Variants in HSPB8 observed in about 807,000 individuals in gnomAD.
The protein encoded by HSPB8 is heat shock protein beta-8.
In HSPB8, 9 loss-of-function variants were observed where a neutral mutation model predicts 16.5. The ratio of observed to expected loss-of-function variants is 0.55; its 90% CI spans 0.33 to 0.95. The LOEUF (loss-of-function observed/expected upper bound fraction) is 0.95, where lower values mean the gene tolerates loss of function less well. Ranked by LOEUF, HSPB8 falls within the 40% of genes least tolerant of loss-of-function variation. The pLI, the probability that HSPB8 is intolerant of heterozygous loss-of-function variation, is 0.03. For missense variants in HSPB8, 238 were observed against 251.2 expected (o/e 0.95, Z 0.35); for synonymous variants, 99 against 94.8 (o/e 1.04, Z -0.26).
chr12:119,187,936 A>G (rs1268993460), intron 2 of HSPB8, among the ~76,000 whole-genome samples: 1 of 152,188 alleles, frequency 6.6e-6, no homozygotes, highest in African/African-American at 2.4e-5. Flanking sequence ...AGAGGTTTGG[A>G]GGCTGAGACA....
In HSPB8 at chr12:119,179,107, C is replaced by G; in HGVS notation, c.-206C>G. On this transcript the variant is annotated 5_prime_UTR_variant, in exon 1 of 3. Coordinates refer to ENST00000281938, the MANE Select transcript of HSPB8 (RefSeq NM_014365.3). The stretch of plus-strand genomic sequence containing the variant: ...CCTCTGGGATTCTGCTGGATCTGCC[C>G]CGGGGGTTACCTTTGGGGGCTGGGA... 4 of 647,690 alleles carry G rather than the reference C, an allele frequency of 6.2e-6. No homozygotes were observed. Among genetic ancestry groups the G allele is most frequent in the Non-Finnish European group, 1.1e-5 (4 of 359,600 alleles). The allele number at this position is 647,690 out of a possible 1,614,324, so 40.1% of individuals were successfully genotyped here.
chr12:119,188,164 T>C (rs1032538653), intron 2 of HSPB8, among the ~76,000 whole-genome samples: 6 of 151,862 alleles, frequency 4.0e-5, no homozygotes, highest in African/African-American at 1.5e-4. Flanking sequence ...AGGTGCTTCA[T>C]ACATACCTTC....
At chr12:119,188,248 T>TCTCTC (rs1491485099) in intron 2 of HSPB8, among the ~76,000 whole-genome samples, 1 of 82,644 alleles carries the variant, frequency 1.2e-5, no homozygotes, top group South Asian at 3.5e-4. Context: ...TCTCTCTCTC[T>TCTCTC]TTTTTTTTTT....
At chr12:119,182,090 T>C (rs1327006128) in intron 1 of HSPB8, 1 of 151,978 alleles carries the variant, frequency 6.6e-6, no homozygotes, top group Non-Finnish European at 1.5e-5. Flanking sequence ...TCATAACAGG[T>C]GGGGTCTGGC....
At chr12:119,182,062 T>A (rs534842937) in intron 1 of HSPB8, 59 of 152,286 alleles carry the variant, frequency 3.9e-4, no homozygotes, top group African/African-American at 1.4e-3. Flanking sequence ...TTTTTCACCA[T>A]CCTCTTTTGT....
chr12:119,179,190 G>A lies in HSPB8; in HGVS notation c.-123G>A. 1 of 1,042,942 alleles carries A rather than the reference G, an allele frequency of 9.6e-7. No homozygotes were observed. Among genetic ancestry groups the A allele is most frequent in the South Asian group, 1.3e-5 (1 of 76,224 alleles). The allele number at this position is 1,042,942 out of a possible 1,614,324, so 64.6% of individuals were successfully genotyped here. A position where few individuals can be genotyped will look rare whatever the true frequency, so the allele number is the denominator to read the frequency against. On this transcript the variant is annotated 5_prime_UTR_variant, in exon 1 of 3. Transcript: ENST00000281938. ...GTGGTTGGTTCTGCTTCTCCCTGCAGAAAAGCAGCATTTTCGGAAGCTGAA... is the reference window on the plus strand; with the variant it reads ...GTGGTTGGTTCTGCTTCTCCCTGCAAAAAAGCAGCATTTTCGGAAGCTGAA...
intron 2 of HSPB8, 91 bp from the exon 3 acceptor site, chr12:119,193,608 T>C (rs139484353): frequency 8.6e-5 from 119 of 1,391,370 alleles, no homozygotes; most frequent in Middle Eastern, 5.5e-4. Flanking sequence ...AAGCCTAAGC[T>C]CTTATCAAAA....
chr12:119,191,098 T>C (rs1264731774), intron 2 of HSPB8, among the ~76,000 whole-genome samples: 5 of 152,214 alleles, frequency 3.3e-5, no homozygotes, highest in Non-Finnish European at 4.4e-5. Flanking sequence ...GCAATTTGTA[T>C]GATACTCCAT....
rs763980623 is a variant in HSPB8, at chr12:119,193,751, G to A, written c.484G>A (p.Gly162Ser). Residue 162 changes from glycine (G) to serine (S), a missense_variant, in exon 3 of 3, where the codon GGT (glycine) becomes AGT (serine). Physicochemically the swap from Gly to Ser is moderately conservative, Grantham distance 56. Transcript: ENST00000281938. ...AGTATTTGCCTCACTTTCCCCAGAG[G>A]GTCTGCTGATCATCGAAGCTCCCCA... ...VTVFASLSPE[G>S]LLIIEAPQVP... The A allele has an allele frequency of 6.2e-6, 10 of 1,614,156 alleles. No individual in the cohort carries two copies. Among genetic ancestry groups the A allele is most frequent in the Non-Finnish European group, 8.5e-6 (10 of 1,180,030 alleles).
At chr12:119,186,752 TCCTCAGACTAAC>T in intron 1 of HSPB8, 1 of 455,648 alleles carries the variant, frequency 2.2e-6, no homozygotes, top group South Asian at 2.2e-5. Flanking sequence ...TTCTGCGATT[TCCTCAGACTAAC>T]CCTTAATTAA....
At chr12:119,188,226 ACTCT>A (rs149750099) in intron 2 of HSPB8, among the ~76,000 whole-genome samples, 8,414 of 136,710 alleles carry the variant, frequency 0.062, 800 homozygotes, top group African/African-American at 0.2. Context: ...TGGCCCCTAA[ACTCT>A]CTCTCTCTCT....
At chr12:119,180,862 C>G (rs1954632318) in intron 1 of HSPB8, among the ~76,000 whole-genome samples, 1 of 152,064 alleles carries the variant, frequency 6.6e-6, no homozygotes, top group South Asian at 2.1e-4. Context: ...TCAAGCCAGT[C>G]CTGGTAGAAT....
rs774767632 is a variant in HSPB8 at position 119,193,719 on chromosome 12, C to A, written c.452C>A (p.Pro151His). The A allele has an allele frequency of 1.2e-6, 2 of 1,614,164 alleles. No homozygotes were observed. Among genetic ancestry groups the A allele is most frequent in the Non-Finnish European group, 1.7e-6 (2 of 1,180,020 alleles). Residue 151 changes from proline to histidine, a missense_variant, in exon 3 of 3, where the codon CCT (proline) becomes CAT (histidine). Coordinates refer to ENST00000281938, the MANE Select transcript of HSPB8 (RefSeq NM_014365.3). ...CCTAGGCTTCCTGCAGAGGTGGATC[C>A]TGTGACAGTATTTGCCTCACTTTCC... ...KKIQLPAEVDPVTVFASLSPE... is the reference protein window; with the variant it reads ...KKIQLPAEVDHVTVFASLSPE...
Position 119,179,321 on chromosome 12 carries a change from C to T in HSPB8, c.9C>T (p.Asp3=), listed in dbSNP as rs952834680. The change falls in exon 1 of 3, where the codon GAC becomes GAT. Residue 3 remains aspartate (D), a synonymous_variant. Coordinates refer to ENST00000281938, the MANE Select transcript of HSPB8 (RefSeq NM_014365.3). The part of the protein sequence containing the change: MA[D]GQMPFSCHYP... ...TGAGCTGAGCAGCCACCATGGCTGA[C>T]GGTCAGATGCCCTTCTCCTGCCACT... is the stretch of plus-strand genomic sequence containing the variant. 4 of 1,613,672 alleles carry T rather than the reference C, an allele frequency of 2.5e-6. No homozygotes were observed. Among genetic ancestry groups the T allele is most frequent in the Non-Finnish European group, 3.4e-6 (4 of 1,179,986 alleles).
chr12:119,182,353 T>C (rs988361873), intron 1 of HSPB8, among the ~76,000 whole-genome samples: 1 of 152,098 alleles, frequency 6.6e-6, no homozygotes, highest in African/African-American at 2.4e-5. Flanking sequence ...AGAAGCAACT[T>C]TCGGGCCGGG....
chr12:119,185,716 C>T (rs1396674510), intron 1 of HSPB8, among the ~76,000 whole-genome samples: 1 of 152,102 alleles, frequency 6.6e-6, no homozygotes, highest in East Asian at 1.9e-4. Flanking sequence ...TCGAGTCATC[C>T]TCCTGTCTCA....
chr12:119,180,148 C>T (rs1333939078), intron 1 of HSPB8, among the ~76,000 whole-genome samples: 1 of 152,210 alleles, frequency 6.6e-6, no homozygotes, highest in African/African-American at 2.4e-5. Flanking sequence ...GACAGGGAAA[C>T]TGAGGCTTAC....
intron 1 of HSPB8, among the ~76,000 whole-genome samples, chr12:119,180,114 G>C (rs772215925): frequency 8.5e-5 from 13 of 152,254 alleles, no homozygotes; most frequent in African/African-American, 1.2e-4. Context: ...ACTGGTTTCC[G>C]GTGAAACACC....
intron 2 of HSPB8, among the ~76,000 whole-genome samples, chr12:119,192,535 A>T (rs1954718194): frequency 6.6e-6 from 1 of 152,056 alleles, no homozygotes. Flanking sequence ...GGTGTCTGTA[A>T]TCCACACTAC....
Sources: allele counts gnomAD v4.1 joint callset (sites outside exome capture counted in the v4.1 genomes callset), GRCh38; gene constraint gnomAD v4.1.1; transcripts MANE v1.5; gene names NCBI Gene and HGNC (gene_info 2026-07-23, HGNC 2026-07-21).